The following NTRK2 variants were observed in gnomAD, a reference collection of about 807,000 sequenced individuals.
NTRK2 encodes BDNF/NT-3 growth factors receptor.
A neutral mutation model predicts 94.5 loss-of-function variants in NTRK2; 13 were observed. That is an observed-to-expected ratio of 0.14 (90% confidence interval 0.09 to 0.22). The LOEUF (loss-of-function observed/expected upper bound fraction) is 0.22. Among genes scored for constraint, NTRK2 ranks in the 10% least tolerant of loss-of-function variants. The pLI, the probability that NTRK2 is intolerant of heterozygous loss-of-function variation, is 1.00. For missense variants in NTRK2, 639 were observed against 1,071.2 expected, an observed-to-expected ratio of 0.60 and a Z score of 5.63; for synonymous variants, 372 against 407.4, an observed-to-expected ratio of 0.91 and a Z score of 1.05.
chr9:84,805,279 T>C (rs1444518680), intron 12 of NTRK2, among the ~76,000 whole-genome samples: 2 of 152,228 alleles, frequency 1.3e-5, no homozygotes, highest in African/African-American at 4.8e-5. Context: ...TTAAAAGCCT[T>C]CCTGACCATC....
intron 17 of NTRK2, among the ~76,000 whole-genome samples, chr9:84,965,290 A>G (rs773926180): frequency 2.6e-5 from 4 of 152,256 alleles, no homozygotes; most frequent in Non-Finnish European, 5.9e-5. Flanking sequence ...AGTTTTGCAG[A>G]CATAGTTCTT....
intron 6 of NTRK2, among the ~76,000 whole-genome samples, chr9:84,716,445 T>C (rs1028561737): frequency 6.6e-6 from 1 of 152,196 alleles, no homozygotes; most frequent in African/African-American, 2.4e-5. Flanking sequence ...TGTAGCATAT[T>C]TGTACATACT....
At chr9:84,888,369 G>C (rs574739328) in intron 14 of NTRK2, among the ~76,000 whole-genome samples, 8 of 151,776 alleles carry the variant, frequency 5.3e-5, no homozygotes, top group Non-Finnish European at 8.8e-5. Flanking sequence ...AGAACACTTC[G>C]GGAGGACATG....
At chr9:84,785,120 G>T (rs2067992996) in intron 12 of NTRK2, among the ~76,000 whole-genome samples, 1 of 151,766 alleles carries the variant, frequency 6.6e-6, no homozygotes, top group South Asian at 2.1e-4. Flanking sequence ...TCCTCTTATT[G>T]TACTTCCCCT....
At chr9:84,943,707 A>G (rs1427410041) in intron 15 of NTRK2, among the ~76,000 whole-genome samples, 1 of 152,204 alleles carries the variant, frequency 6.6e-6, no homozygotes, top group Admixed American at 6.5e-5. Context: ...TGCATTGCCA[A>G]GGGACTCAGG....
intron 17 of NTRK2, among the ~76,000 whole-genome samples, chr9:85,008,777 TG>T (rs1831249617): frequency 6.6e-6 from 1 of 152,164 alleles, no homozygotes; most frequent in South Asian, 2.1e-4. Context: ...GCGTGAATGG[TG>T]CCCTTCAGGA....
chr9:84,739,966 T>C (rs541339084), intron 9 of NTRK2, among the ~76,000 whole-genome samples: 3 of 152,280 alleles, frequency 2.0e-5, no homozygotes, highest in Non-Finnish European at 4.4e-5. Flanking sequence ...GCAAGACAAA[T>C]GTATAGTTAT....
At chr9:84,919,135 C>A (rs1280534442) in intron 14 of NTRK2, among the ~76,000 whole-genome samples, 1 of 152,126 alleles carries the variant, frequency 6.6e-6, no homozygotes, top group Non-Finnish European at 1.5e-5. Context: ...GCCTCGGTGC[C>A]TTGCTATTTG....
intron 6 of NTRK2, among the ~76,000 whole-genome samples, chr9:84,711,028 T>G (rs1264094989): frequency 6.6e-6 from 1 of 152,226 alleles, no homozygotes; most frequent in Non-Finnish European, 1.5e-5. Context: ...TCTTTTTGTT[T>G]GTTTGTTCAT....
intron 17 of NTRK2, among the ~76,000 whole-genome samples, chr9:84,960,872 C>T (rs544320983): frequency 2.0e-5 from 3 of 152,108 alleles, no homozygotes; most frequent in East Asian, 1.9e-4. Flanking sequence ...CAGGGCATGG[C>T]GCATATGAGG....
At position 84,745,107 on chromosome 9, in the gene NTRK2, T is replaced by C. The variant is rs777342762; in HGVS notation, c.1296+34T>C. 1.3e-5 allele frequency: 19 copies of C among 1,503,572 alleles called. No individual in the cohort carries two copies. In the Admixed American group the frequency reaches 3.2e-4, roughly 25 times the overall value. The allele number at this position is 1,503,572 out of a possible 1,614,324, so 93.1% of individuals were successfully genotyped here. A position where few individuals can be genotyped will look rare whatever the true frequency, so the allele number is the denominator to read the frequency against. On this transcript the variant is annotated intron_variant, in intron 11 of 18. Transcript: ENST00000277120. ...AATAAATAGGTGTCTGAATTGGTTC[T>C]GAGCATTTTGGATGCCTCCATGTTA... is the stretch of plus-strand genomic sequence containing the variant.
chr9:84,676,331 GTGAATC>G (rs2059051047), intron 2 of NTRK2, among the ~76,000 whole-genome samples: 1 of 152,234 alleles, frequency 6.6e-6, no homozygotes, highest in African/African-American at 2.4e-5. Context: ...CTGGCAGTGT[GTGAATC>G]TGAAGACCTT....
chr9:84,960,705 G>T (rs1224915105), intron 17 of NTRK2, among the ~76,000 whole-genome samples: 1 of 152,126 alleles, frequency 6.6e-6, no homozygotes, highest in Non-Finnish European at 1.5e-5. Context: ...CAGAATAATT[G>T]CTCACAAATA....
chr9:84,953,668 C>T (rs1823754639), intron 16 of NTRK2, among the ~76,000 whole-genome samples: 1 of 152,154 alleles, frequency 6.6e-6, no homozygotes, highest in South Asian at 2.1e-4. Context: ...CTGGCTTGTA[C>T]AAAAACAGGA....
At chr9:84,912,268 T>TA (rs1253240941) in intron 14 of NTRK2, among the ~76,000 whole-genome samples, 2 of 152,160 alleles carry the variant, frequency 1.3e-5, no homozygotes. Flanking sequence ...CCTTTTTGGT[T>TA]AATGGTGTTT....
At chr9:84,957,766 T>C (rs867630295) in intron 17 of NTRK2, among the ~76,000 whole-genome samples, 1 of 152,224 alleles carries the variant, frequency 6.6e-6, no homozygotes, top group African/African-American at 2.4e-5. Context: ...ACTGAAATAA[T>C]ATGTTCCCAC....
At chr9:84,687,458 G>T (rs1309346752) in intron 2 of NTRK2, among the ~76,000 whole-genome samples, 1 of 152,126 alleles carries the variant, frequency 6.6e-6, no homozygotes, top group Non-Finnish European at 1.5e-5. Flanking sequence ...CGGAGGAATT[G>T]CTTTCCCACC....
chr9:85,012,779 C>A (rs1831769509), intron 17 of NTRK2, among the ~76,000 whole-genome samples: 1 of 152,024 alleles, frequency 6.6e-6, no homozygotes, highest in South Asian at 2.1e-4. Context: ...TATCTAGAAT[C>A]CAGGTGTCAG....
chr9:84,725,642 A>ATATATATTATATATATATTATG (rs2062395742), intron 8 of NTRK2, among the ~76,000 whole-genome samples: 1 of 148,248 alleles, frequency 6.7e-6, no homozygotes, highest in Non-Finnish European at 1.5e-5. Flanking sequence ...TATGTACATT[A>ATATATATTATATATATATTATG]TATATATTAT....
Sources: allele counts gnomAD v4.1 joint callset (sites outside exome capture counted in the v4.1 genomes callset), GRCh38; gene constraint gnomAD v4.1.1; transcripts MANE v1.5; gene names NCBI Gene and HGNC (gene_info 2026-07-23, HGNC 2026-07-21).